The following AUTS2 variants were observed in gnomAD, a reference collection of about 807,000 sequenced individuals.
AUTS2 encodes activator of transcription and developmental regulator AUTS2.
Under a neutral mutation model 112.4 loss-of-function variants are expected in AUTS2, and 17 were observed. That is an observed-to-expected ratio of 0.15 (90% confidence interval 0.10 to 0.23). AUTS2 has a LOEUF of 0.23. AUTS2 is among the 10% of genes least tolerant of loss of function. AUTS2 has a pLI of 1.00. For missense variants in AUTS2, 1,510 were observed against 1,701.6 expected, an observed-to-expected ratio of 0.89 and a Z score of 1.98; for synonymous variants, 751 against 702.7, an observed-to-expected ratio of 1.07 and a Z score of -1.09.
At chr7:70,447,955 T>G (rs1796382347) in intron 5 of AUTS2, among the ~76,000 whole-genome samples, 1 of 152,200 alleles carries the variant, frequency 6.6e-6, no homozygotes, top group Non-Finnish European at 1.5e-5. Context: ...TATATTCTTA[T>G]TGGAAAGGCT....
intron 4 of AUTS2, among the ~76,000 whole-genome samples, chr7:70,216,602 A>T (rs1458054947): frequency 6.6e-6 from 1 of 152,166 alleles, no homozygotes; most frequent in East Asian, 1.9e-4. Context: ...TACCTGAGCA[A>T]CCCACAGTCA....
intron 4 of AUTS2, among the ~76,000 whole-genome samples, chr7:70,388,291 A>G (rs924428641): frequency 2.0e-5 from 3 of 152,058 alleles, no homozygotes; most frequent in African/African-American, 7.2e-5. Context: ...TTGTATTTCC[A>G]TTATTTATGT....
At chr7:69,762,674 T>G (rs987594761) in intron 1 of AUTS2, among the ~76,000 whole-genome samples, 1 of 152,172 alleles carries the variant, frequency 6.6e-6, no homozygotes, top group African/African-American at 2.4e-5. Flanking sequence ...TGTTTGCATA[T>G]TAAATCAAAC....
At chr7:70,579,180 C>T (rs1290945598) in intron 5 of AUTS2, among the ~76,000 whole-genome samples, 2 of 138,610 alleles carry the variant, frequency 1.4e-5, no homozygotes, top group East Asian at 2.2e-4. Flanking sequence ...CCACCCATCT[C>T]GGCCTCCACA....
intron 4 of AUTS2, among the ~76,000 whole-genome samples, chr7:70,405,429 C>T (rs970227953): frequency 1.3e-5 from 2 of 152,196 alleles, no homozygotes; most frequent in Non-Finnish European, 2.9e-5. Flanking sequence ...TTCTGTCAAC[C>T]TGTCACTGAT....
At chr7:70,022,860 T>A (rs1029958020) in intron 2 of AUTS2, among the ~76,000 whole-genome samples, 3 of 82,642 alleles carry the variant, frequency 3.6e-5, no homozygotes, top group African/African-American at 8.7e-5. Flanking sequence ...ATTAAATTAA[T>A]TTTTTTTTTT....
rs958883906 is a variant in AUTS2 at position 70,631,012 on chromosome 7, A to G, written c.691-67557A>G. Among the ~76,000 whole-genome samples the G allele has an allele frequency of 1.3e-5, 2 of 152,158 alleles. No homozygotes were observed. Among genetic ancestry groups the G allele is most frequent in the African/African-American group, 4.8e-5 (2 of 41,434 alleles). On this transcript the variant is annotated intron_variant, in intron 5 of 18. Coordinates refer to ENST00000342771, the MANE Select transcript of AUTS2 (RefSeq NM_015570.4). The surrounding 1 kb of genome is among the most constrained non-coding windows in gnomAD (Gnocchi z 4.5). ...TGAGCGTACTTTAATGAAGAAGATA[A>G]AGCGGCCCGGCTGGTGTCCCACAGG... is the stretch of plus-strand genomic sequence containing the variant.
At chr7:69,694,074 C>A (rs1430822539) in intron 1 of AUTS2, among the ~76,000 whole-genome samples, 2 of 152,142 alleles carry the variant, frequency 1.3e-5, no homozygotes, top group African/African-American at 2.4e-5. Context: ...TTAGATGTCT[C>A]CTCTTAAAAC....
At chr7:70,263,775 C>A (rs1027138595) in intron 4 of AUTS2, among the ~76,000 whole-genome samples, 1 of 152,156 alleles carries the variant, frequency 6.6e-6, no homozygotes, top group African/African-American at 2.4e-5. Flanking sequence ...GTTAGCAGAA[C>A]AATCATTTCT....
At chr7:69,723,361 A>G (rs1181170505) in intron 1 of AUTS2, among the ~76,000 whole-genome samples, 1 of 152,124 alleles carries the variant, frequency 6.6e-6, no homozygotes, top group Non-Finnish European at 1.5e-5. Flanking sequence ...TTGCTTTGAA[A>G]TAGATCCATT....
intron 2 of AUTS2, among the ~76,000 whole-genome samples, chr7:69,972,414 T>C (rs1320176736): frequency 6.6e-6 from 1 of 152,186 alleles, no homozygotes; most frequent in Non-Finnish European, 1.5e-5. Context: ...TGTCTATTCA[T>C]CCTCTTTCAG....
At chr7:70,184,536 C>T (rs1205034254) in intron 4 of AUTS2, among the ~76,000 whole-genome samples, 2 of 152,130 alleles carry the variant, frequency 1.3e-5, no homozygotes, top group African/African-American at 2.4e-5. Context: ...GACCTGACAA[C>T]TCGATTATGG....
chr7:70,274,974 A>G lies in AUTS2; in HGVS notation c.660+140403A>G, dbSNP rs1332297405. Among the ~76,000 whole-genome samples, 3 of 152,354 alleles carry G rather than the reference A, an allele frequency of 2.0e-5. No homozygotes were observed. In the East Asian group the frequency reaches 5.8e-4, roughly 29 times the overall value. On this transcript the variant is annotated intron_variant, in intron 4 of 18. Transcript: ENST00000342771. ...TAGAAGCATTATTCATAATAGCTAA[A>G]AAGTGGAAACAGTCCACATGTATAT...
intron 5 of AUTS2, among the ~76,000 whole-genome samples, chr7:70,499,231 G>T (rs1798680666): frequency 6.6e-6 from 1 of 152,228 alleles, no homozygotes; most frequent in Admixed American, 6.5e-5. Flanking sequence ...CCCAGAGGAG[G>T]AATTGGGCCT....
intron 5 of AUTS2, among the ~76,000 whole-genome samples, chr7:70,560,522 CT>C (rs1334661476): frequency 6.6e-6 from 1 of 152,170 alleles, no homozygotes; most frequent in Non-Finnish European, 1.5e-5. Flanking sequence ...ATTTTTTAAG[CT>C]TTCTAATAAA....
At chr7:70,367,886 G>A (rs1024994683) in intron 4 of AUTS2, among the ~76,000 whole-genome samples, 2 of 152,126 alleles carry the variant, frequency 1.3e-5, no homozygotes, top group African/African-American at 4.8e-5. Context: ...AGTAGAGACT[G>A]GGTTAGAATC....
At chr7:69,841,102 C>T (rs565032420) in intron 1 of AUTS2, among the ~76,000 whole-genome samples, 24 of 152,168 alleles carry the variant, frequency 1.6e-4, no homozygotes, top group African/African-American at 5.3e-4. Flanking sequence ...CCTGATGTGA[C>T]GAACTACACA....
At chr7:70,598,256 A>G (rs1219548724) in intron 5 of AUTS2, among the ~76,000 whole-genome samples, 1 of 152,166 alleles carries the variant, frequency 6.6e-6, no homozygotes, top group Non-Finnish European at 1.5e-5. Context: ...ATGAAAATCT[A>G]GCAAAAGTGT....
chr7:70,476,114 ATGAT>A (rs1797572186), intron 5 of AUTS2, among the ~76,000 whole-genome samples: 1 of 152,192 alleles, frequency 6.6e-6, no homozygotes, highest in South Asian at 2.1e-4. Context: ...ACTGATTGTC[ATGAT>A]CATGGTGATA....
Sources: gnomAD v4.1 joint callset for allele counts (sites outside exome capture counted in the v4.1 genomes callset) on GRCh38, gnomAD v4.1.1 for gene constraint, Gnocchi (gnomAD v3.1) non-coding constraint, MANE v1.5 for transcripts, NCBI Gene and HGNC (gene_info 2026-07-23, HGNC 2026-07-21) for gene names.